The following CAMTA1 variants were observed in gnomAD, a reference collection of about 807,000 sequenced individuals.
CAMTA1 encodes calmodulin binding transcription activator 1, also known as calmodulin-binding transcription activator 1.
A neutral mutation model predicts 170.9 loss-of-function variants in CAMTA1; 27 were observed. The observed-to-expected ratio is 0.16, with a 90% CI of 0.12 to 0.22. The LOEUF is 0.22. CAMTA1 is among the 10% of genes least tolerant of loss of function. The probability of loss-of-function intolerance (pLI) is 1.00; values close to 1 mark genes in which losing one functional copy is unlikely to be tolerated. For synonymous variants in CAMTA1, 833 were observed against 891.5 expected, an observed-to-expected ratio of 0.93 and a Z score of 1.17; for missense variants, 1,619 against 2,217.2, an observed-to-expected ratio of 0.73 and a Z score of 5.42.
At chr1:7,623,162 T>C (rs1017773139) in intron 6 of CAMTA1, among the ~76,000 whole-genome samples, 43 of 152,234 alleles carry the variant, frequency 2.8e-4, no homozygotes, top group African/African-American at 1.0e-3. Flanking sequence ...TGTTTATAGC[T>C]CGTCTCTTCC....
chr1:7,042,655 C>A (rs888888440), intron 3 of CAMTA1, among the ~76,000 whole-genome samples: 5 of 152,188 alleles, frequency 3.3e-5, no homozygotes, highest in Non-Finnish European at 2.9e-5. Flanking sequence ...CAGGTTGGAG[C>A]GCGGAGGCCT....
chr1:7,630,200 C>A (rs1165527704), intron 6 of CAMTA1, among the ~76,000 whole-genome samples: 1 of 152,182 alleles, frequency 6.6e-6, no homozygotes, highest in East Asian at 1.9e-4. Flanking sequence ...GATGGCTTGA[C>A]CCCCCTCTCA....
chr1:7,351,605 G>A (rs1557569955), intron 5 of CAMTA1, among the ~76,000 whole-genome samples: 1 of 152,242 alleles, frequency 6.6e-6, no homozygotes, highest in Non-Finnish European at 1.5e-5. Context: ...ATGGAGGCAG[G>A]CCATTCGGGG....
intron 6 of CAMTA1, among the ~76,000 whole-genome samples, chr1:7,626,071 C>T (rs956577091): frequency 1.3e-5 from 2 of 152,174 alleles, no homozygotes; most frequent in African/African-American, 2.4e-5. Context: ...TGTTGAGAGC[C>T]ACAATTACTT....
intron 7 of CAMTA1, among the ~76,000 whole-genome samples, chr1:7,650,982 G>A (rs1228721229): frequency 6.6e-6 from 1 of 152,154 alleles, no homozygotes; most frequent in South Asian, 2.1e-4. Context: ...ACAACACCGA[G>A]GACTCCGAAG....
intron 4 of CAMTA1, among the ~76,000 whole-genome samples, chr1:7,174,585 G>A (rs1414330530): frequency 6.6e-6 from 1 of 152,208 alleles, no homozygotes; most frequent in Non-Finnish European, 1.5e-5. Flanking sequence ...CACAGACCAG[G>A]AGCAGAGGCT....
chr1:7,151,602 C>T (rs1427650162), intron 4 of CAMTA1, among the ~76,000 whole-genome samples: 5 of 152,214 alleles, frequency 3.3e-5, no homozygotes, highest in African/African-American at 9.6e-5. Flanking sequence ...GCCAATTCCT[C>T]GCTATGCCCA....
intron 6 of CAMTA1, among the ~76,000 whole-genome samples, chr1:7,537,383 G>T (rs1358494010): frequency 6.6e-6 from 1 of 152,196 alleles, no homozygotes; most frequent in Admixed American, 6.5e-5. Flanking sequence ...CAGCAGCCAG[G>T]TGCAGCCCCA....
chr1:7,751,743 G>A (rs949640487), intron 20 of CAMTA1, among the ~76,000 whole-genome samples: 2 of 149,484 alleles, frequency 1.3e-5, no homozygotes, highest in African/African-American at 4.9e-5. Flanking sequence ...AGTACAGCCC[G>A]CTGCCAGCAC....
intron 5 of CAMTA1, among the ~76,000 whole-genome samples, chr1:7,296,624 A>G (rs576760353): frequency 8.5e-5 from 13 of 152,308 alleles, no homozygotes; most frequent in African/African-American, 1.4e-4. Context: ...TGACGGTGCT[A>G]TTCCTCAAGA....
chr1:7,748,317 C>T lies in CAMTA1; in HGVS notation c.4689+536C>T, dbSNP rs2096872085. Among the ~76,000 whole-genome samples the T allele has an allele frequency of 6.6e-6, 1 of 152,290 alleles. No homozygotes were observed. The highest frequency in any genetic ancestry group is 2.1e-4 in the South Asian group (1 of 4,830). Reference sequence around the variant, plus strand: ...TGATGGCGTGTGCCTGTAATCCCAGCTCCTCAAGAGGCTGAGGCCGGAGGA... The same window carrying T: ...TGATGGCGTGTGCCTGTAATCCCAGTTCCTCAAGAGGCTGAGGCCGGAGGA... On this transcript the variant is annotated intron_variant, in intron 19 of 22. Coordinates refer to ENST00000303635, the MANE Select transcript of CAMTA1 (RefSeq NM_015215.4). This position sits in a 1 kb window ranked among gnomAD's most constrained non-coding sequence, Gnocchi z 4.7.
chr1:7,244,867 A>G (rs1665503895), intron 4 of CAMTA1, among the ~76,000 whole-genome samples: 1 of 152,132 alleles, frequency 6.6e-6, no homozygotes, highest in Admixed American at 6.5e-5. Context: ...CGTTGTGCAC[A>G]TGTACCCTAA....
chr1:6,999,839 G>C (rs541643177), intron 3 of CAMTA1, among the ~76,000 whole-genome samples: 6 of 152,238 alleles, frequency 3.9e-5, no homozygotes, highest in Admixed American at 3.9e-4. Context: ...GGAGTGAGGA[G>C]AATACGTTGG....
intron 3 of CAMTA1, among the ~76,000 whole-genome samples, chr1:6,952,407 G>C (rs1417027922): frequency 7.0e-6 from 1 of 142,300 alleles, no homozygotes; most frequent in African/African-American, 2.6e-5. Context: ...CTCCAGCCTG[G>C]GGGACAGAGC....
At chr1:7,507,537 C>T (rs772904845) in intron 6 of CAMTA1, among the ~76,000 whole-genome samples, 7 of 152,220 alleles carry the variant, frequency 4.6e-5, no homozygotes, top group Admixed American at 2.6e-4. Flanking sequence ...TTTATTACCT[C>T]GTGGGCTCAG....
intron 7 of CAMTA1, among the ~76,000 whole-genome samples, chr1:7,643,512 G>A (rs1039699311): frequency 2.0e-5 from 3 of 152,184 alleles, no homozygotes; most frequent in Non-Finnish European, 4.4e-5. Flanking sequence ...ATTTTTCCTG[G>A]AGCTGCCCAT....
At chr1:6,908,995 G>C (rs968253671) in intron 3 of CAMTA1, among the ~76,000 whole-genome samples, 1 of 152,226 alleles carries the variant, frequency 6.6e-6, no homozygotes, top group African/African-American at 2.4e-5. Flanking sequence ...AGAATAACAT[G>C]GCGAAGTACA....
intron 5 of CAMTA1, among the ~76,000 whole-genome samples, chr1:7,313,757 C>A (rs1677088400): frequency 6.6e-6 from 1 of 151,990 alleles, no homozygotes; most frequent in Non-Finnish European, 1.5e-5. Context: ...TTATAATTTT[C>A]TTTATAAATT....
At chr1:6,856,716 T>C (rs1662548044) in intron 3 of CAMTA1, among the ~76,000 whole-genome samples, 1 of 152,216 alleles carries the variant, frequency 6.6e-6, no homozygotes, top group Non-Finnish European at 1.5e-5. Flanking sequence ...TACAGGCTGC[T>C]ACAAGAGAGG....
Sources: allele counts gnomAD v4.1 joint callset (sites outside exome capture counted in the v4.1 genomes callset), GRCh38; gene constraint gnomAD v4.1.1; non-coding constraint Gnocchi (gnomAD v3.1); transcripts MANE v1.5; gene names NCBI Gene and HGNC (gene_info 2026-07-23, HGNC 2026-07-21).